ELP4: variants seen among roughly 807,000 people sequenced by gnomAD.
The protein encoded by ELP4 is elongator complex protein 4.
In ELP4, 51 loss-of-function variants were observed where a neutral mutation model predicts 48.9. The ratio of observed to expected loss-of-function variants is 1.04; its 90% CI spans 0.83 to 1.32. The LOEUF is 1.32. Ranked by LOEUF, ELP4 falls within the 40% of genes most tolerant of loss-of-function variation. The pLI, the probability that ELP4 is intolerant of heterozygous loss-of-function variation, is 0.00. For missense variants in ELP4, 519 were observed against 514.6 expected, an observed-to-expected ratio of 1.01 and a Z score of -0.08; for synonymous variants, 210 against 189.2, an observed-to-expected ratio of 1.11 and a Z score of -0.90.
intron 3 of ELP4, among the ~76,000 whole-genome samples, chr11:31,566,883 G>C (rs1047542128): frequency 6.6e-6 from 1 of 152,078 alleles, no homozygotes; most frequent in Admixed American, 6.5e-5. Flanking sequence ...AACATGTAAG[G>C]TACTTATAAA....
chr11:31,566,811 A>C (rs1957118705), intron 3 of ELP4, among the ~76,000 whole-genome samples: 1 of 152,188 alleles, frequency 6.6e-6, no homozygotes, highest in Non-Finnish European at 1.5e-5. Flanking sequence ...TTATTGGAAG[A>C]GGTTTCTTAG....
chr11:31,690,392 G>C (rs1359160163), intron 9 of ELP4, among the ~76,000 whole-genome samples: 4 of 151,572 alleles, frequency 2.6e-5, no homozygotes, highest in African/African-American at 7.3e-5. Context: ...AATAAGGTTT[G>C]GTCACTGACC....
intron 3 of ELP4, among the ~76,000 whole-genome samples, chr11:31,585,451 A>T (rs1464038793): frequency 6.6e-6 from 1 of 151,630 alleles, no homozygotes; most frequent in African/African-American, 2.4e-5. Context: ...AAAAAAAAAG[A>T]TTGCACTTAA....
intron 1 of ELP4, 31 bp downstream of exon 1, chr11:31,510,038 C>G (rs776645096): frequency 1.9e-6 from 3 of 1,592,334 alleles, no homozygotes; most frequent in Admixed American, 1.7e-5. Context: ...TGGGCTCAGC[C>G]GAGGGGAAAC....
At chr11:31,685,443 A>G (rs1404418852) in intron 9 of ELP4, among the ~76,000 whole-genome samples, 1 of 152,152 alleles carries the variant, frequency 6.6e-6, no homozygotes, top group East Asian at 1.9e-4. Context: ...GCATTTTTTT[A>G]CTCTATATTT....
At chr11:31,663,467 C>T (rs983266868) in intron 9 of ELP4, 2 of 151,804 alleles carry the variant, frequency 1.3e-5, no homozygotes, top group African/African-American at 4.8e-5. Context: ...TTTTACTATA[C>T]AGTAAATCAA....
At chr11:31,524,033 T>C (rs868175133) in intron 2 of ELP4, among the ~76,000 whole-genome samples, 1 of 152,158 alleles carries the variant, frequency 6.6e-6, no homozygotes, top group Non-Finnish European at 1.5e-5. Flanking sequence ...ATGTGTTTTT[T>C]TAAAATAATC....
intron 3 of ELP4, among the ~76,000 whole-genome samples, chr11:31,567,232 C>A (rs1307207917): frequency 2.0e-5 from 3 of 152,178 alleles, no homozygotes; most frequent in Non-Finnish European, 4.4e-5. Context: ...CGCACCCGGC[C>A]TGTAGTACTT....
At chr11:31,572,558 T>A (rs1433704228) in intron 3 of ELP4, among the ~76,000 whole-genome samples, 2 of 152,222 alleles carry the variant, frequency 1.3e-5, no homozygotes, top group Non-Finnish European at 2.9e-5. Context: ...AATTTCGTTT[T>A]CATTTTCTGT....
intron 7 of ELP4, among the ~76,000 whole-genome samples, chr11:31,639,055 T>C (rs984687877): frequency 6.6e-6 from 1 of 151,896 alleles, no homozygotes; most frequent in Non-Finnish European, 1.5e-5. Context: ...ATGCACTTTA[T>C]TAAGAAGAAT....
intron 9 of ELP4, among the ~76,000 whole-genome samples, chr11:31,707,970 A>G (rs1190730178): frequency 1.3e-5 from 2 of 152,152 alleles, no homozygotes; most frequent in Non-Finnish European, 1.5e-5. Context: ...CCTCCTTGCT[A>G]TGTAAAGTAA....
chr11:31,648,431 T>C (rs1232778438), intron 8 of ELP4: 3 of 151,564 alleles, frequency 2.0e-5, no homozygotes, highest in East Asian at 1.9e-4. Flanking sequence ...TTTTTACTTT[T>C]AGTAATATTG....
intron 9 of ELP4, among the ~76,000 whole-genome samples, chr11:31,680,782 A>G (rs1244147658): frequency 6.6e-6 from 1 of 152,230 alleles, no homozygotes; most frequent in Non-Finnish European, 1.5e-5. Flanking sequence ...GCTTCTTTGC[A>G]GAGTTTAGTA....
Position 31,532,874 on chromosome 11 carries a change from C to T in ELP4, c.260-6788C>T, listed in dbSNP as rs905615985. Reference sequence around the variant, plus strand: ...GTAACCTCTGCCTTCCGGATTTAAGCAATTCTCCTGCCTCAGCCTCCCAAG... The same window carrying T: ...GTAACCTCTGCCTTCCGGATTTAAGTAATTCTCCTGCCTCAGCCTCCCAAG... On this transcript the variant is annotated intron_variant, in intron 2 of 9. Coordinates refer to ENST00000640961, the MANE Select transcript of ELP4 (RefSeq NM_019040.5). Among the ~76,000 whole-genome samples the T allele has an allele frequency of 6.0e-5, 9 of 148,918 alleles. 1 individual carries two copies. Among genetic ancestry groups the T allele is most frequent in the Non-Finnish European group, 1.3e-4 (9 of 67,622 alleles).
chr11:31,693,774 A>G (rs1219031269), intron 9 of ELP4, among the ~76,000 whole-genome samples: 2 of 152,216 alleles, frequency 1.3e-5, no homozygotes, highest in Non-Finnish European at 2.9e-5. Context: ...TTACAGTCCC[A>G]CCAACAGTGT....
At chr11:31,709,395 C>T (rs1489484560) in intron 9 of ELP4, among the ~76,000 whole-genome samples, 1 of 151,968 alleles carries the variant, frequency 6.6e-6, no homozygotes, top group Non-Finnish European at 1.5e-5. Context: ...AAGTGTAATA[C>T]TTACCGAATG....
At chr11:31,715,617 C>A (rs1210900211) in intron 9 of ELP4, among the ~76,000 whole-genome samples, 1 of 152,140 alleles carries the variant, frequency 6.6e-6, no homozygotes, top group African/African-American at 2.4e-5. Context: ...ATAATCCCTG[C>A]CTTCAAGGAA....
intron 3 of ELP4, among the ~76,000 whole-genome samples, chr11:31,542,948 G>A (rs1042121275): frequency 1.3e-5 from 2 of 152,146 alleles, no homozygotes; most frequent in Non-Finnish European, 2.9e-5. Flanking sequence ...AAACATGGAA[G>A]ATGTAAATAT....
chr11:31,608,120 C>T (rs1280929166), intron 5 of ELP4, among the ~76,000 whole-genome samples: 2 of 151,612 alleles, frequency 1.3e-5, no homozygotes, highest in Non-Finnish European at 2.9e-5. Context: ...ACGGAGGGCC[C>T]CTTGGGAGGA....
Sources: allele counts gnomAD v4.1 joint callset (sites outside exome capture counted in the v4.1 genomes callset), GRCh38; gene constraint gnomAD v4.1.1; transcripts MANE v1.5; gene names NCBI Gene and HGNC (gene_info 2026-07-23, HGNC 2026-07-21).